Variants in C5 observed in about 807,000 individuals in gnomAD.
C5 encodes C3 and PZP-like alpha-2-macroglobulin domain-containing protein 4.
Under a neutral mutation model 218.8 loss-of-function variants are expected in C5, and 140 were observed. The ratio of observed to expected loss-of-function variants is 0.64; its 90% CI spans 0.56 to 0.74. C5 has a LOEUF of 0.74. Among genes scored for constraint, C5 ranks in the 30% least tolerant of loss-of-function variants. C5 has a pLI of 0.00. For synonymous variants in C5, 614 were observed against 682.3 expected (o/e 0.90, Z 1.56); for missense variants, 1,700 against 1,969.6 (o/e 0.86, Z 2.59).
At chr9:121,025,657 TA>T in intron 8 of C5, 77 bp from the exon 9 acceptor site, 2 of 1,390,012 alleles carry the variant, frequency 1.4e-6, no homozygotes, top group Non-Finnish European at 2.0e-6. Context: ...CTGCTTTTAC[TA>T]ACCTCTAAAT....
At chr9:121,051,619 T>C (rs1397205694), upstream of C5, among the ~76,000 whole-genome samples, 1 of 152,232 alleles carries the variant, frequency 6.6e-6, no homozygotes, top group East Asian at 1.9e-4. Flanking sequence ...TATGGTCACA[T>C]TGGCATTCTT....
intron 29 of C5, among the ~76,000 whole-genome samples, chr9:120,976,169 T>G (rs913483176): frequency 1.3e-5 from 2 of 152,212 alleles, no homozygotes; most frequent in African/African-American, 4.8e-5. Flanking sequence ...GATATTAACA[T>G]TCGATCTAAA....
chr9:120,961,581 T>C lies in C5; in HGVS notation c.4505-16A>G, dbSNP rs763438013. On this transcript the variant is annotated splice_polypyrimidine_tract_variant and intron_variant, in intron 36 of 40. Transcript: ENST00000223642. ...CACTGTTTATCTGTGGCAACAAAAGTGTGGTTAAGAGAAGTGGTTTGATTG... is the reference window on the plus strand; with the variant it reads ...CACTGTTTATCTGTGGCAACAAAAGCGTGGTTAAGAGAAGTGGTTTGATTG... The C allele has an allele frequency of 4.5e-6, 7 of 1,540,398 alleles. No homozygotes were observed. Among genetic ancestry groups the C allele is most frequent in the Middle Eastern group, 1.7e-4 (1 of 5,932 alleles).
At chr9:121,045,539 ACT>A (rs2047619599) in intron 2 of C5, among the ~76,000 whole-genome samples, 1 of 152,070 alleles carries the variant, frequency 6.6e-6, no homozygotes, top group African/African-American at 2.4e-5. Context: ...CTTTAGAGAA[ACT>A]CTGGTCTAAA....
intron 11 of C5, among the ~76,000 whole-genome samples, chr9:121,021,201 G>A (rs868391751): frequency 2.2e-4 from 33 of 152,306 alleles, no homozygotes; most frequent in Non-Finnish European, 1.6e-4. Context: ...GGGGGGAAGA[G>A]AGGATATTCC....
intron 25 of C5, among the ~76,000 whole-genome samples, chr9:120,983,769 G>A (rs2047012778): frequency 6.6e-6 from 1 of 151,756 alleles, no homozygotes; most frequent in Non-Finnish European, 1.5e-5. Flanking sequence ...CTGAGATCCT[G>A]CCACTGCATC....
the C5 span, among the ~76,000 whole-genome samples, chr9:121,066,569 T>C: frequency 6.6e-6 from 1 of 151,628 alleles, no homozygotes; most frequent in South Asian, 2.1e-4. Context: ...TTTGGGCCAG[T>C]TGTGGTGGGT....
the C5 span, among the ~76,000 whole-genome samples, chr9:121,072,412 A>C: frequency 6.6e-6 from 1 of 152,226 alleles, no homozygotes; most frequent in Non-Finnish European, 1.5e-5. Context: ...TGGGTACAAG[A>C]AACCGAAACG....
chr9:120,996,415 G>C, intron 21 of C5, 115 bp from the exon 22 acceptor site: 1 of 861,688 alleles, frequency 1.2e-6, no homozygotes, highest in Non-Finnish European at 2.0e-6. Context: ...TCTTGGAAAA[G>C]GCAAACTATG....
chr9:120,969,068 A>G lies in C5; in HGVS notation c.4213T>C (p.Cys1405Arg), dbSNP rs753067140. ...TTGTGGAAATAGGCTCACCTGGCAC[A>G]TGCTACTATGCGTTTGTAATCAGAG... ...GNSDYKRIVACASYKPSREES... is the reference protein window; with the variant it reads ...GNSDYKRIVARASYKPSREES... The change falls in exon 33 of 41, where the codon TGT (cysteine) becomes CGT (arginine). Residue 1405 changes from cysteine to arginine, a missense_variant. Coordinates refer to ENST00000223642, the MANE Select transcript of C5 (RefSeq NM_001735.3). 8.1e-6 allele frequency: 13 copies of G among 1,613,704 alleles called. No homozygotes were observed. The East Asian group carries it at 2.7e-4, about 33-fold the overall frequency.
intron 12 of C5, among the ~76,000 whole-genome samples, chr9:121,019,369 A>C (rs41309844): frequency 0.11 from 16,150 of 152,218 alleles, 913 homozygotes; most frequent in African/African-American, 0.14. Flanking sequence ...CATTCCATTT[A>C]TTTGGTGATT....
At chr9:121,035,575 A>G (rs2047517393) in intron 4 of C5, among the ~76,000 whole-genome samples, 1 of 151,954 alleles carries the variant, frequency 6.6e-6, no homozygotes. Flanking sequence ...TATCTGTACA[A>G]AAAACTTTTT....
At chr9:120,985,534 T>C (rs910577535) in intron 25 of C5, among the ~76,000 whole-genome samples, 2 of 152,056 alleles carry the variant, frequency 1.3e-5, no homozygotes, top group Non-Finnish European at 1.5e-5. Context: ...AATATTAAAA[T>C]TTGGAAATGG....
chr9:121,031,133 A>G (rs919374123), intron 6 of C5, among the ~76,000 whole-genome samples: 12 of 152,116 alleles, frequency 7.9e-5, no homozygotes, highest in African/African-American at 2.6e-4. Flanking sequence ...ATTCTTCTCC[A>G]TGTCATTATG....
chr9:121,068,876 G>A, the C5 span, among the ~76,000 whole-genome samples: 1 of 152,232 alleles, frequency 6.6e-6, no homozygotes. Context: ...ACACTCACTG[G>A]GGAAAGAATA....
chr9:121,009,636 T>C (rs2047245423), intron 17 of C5, among the ~76,000 whole-genome samples: 1 of 152,256 alleles, frequency 6.6e-6, no homozygotes, highest in Admixed American at 6.5e-5. Context: ...TCTTTCCTGT[T>C]GGTACACTAA....
rs550634517 is a variant in C5, at chr9:121,005,010, T to C, written c.2562+909A>G. 3.8e-4 allele frequency among the ~76,000 whole-genome samples: 57 copies of C among 151,562 alleles called. 1 individual carries two copies. The highest frequency in any genetic ancestry group is 1.3e-3 in the African/African-American group (55 of 41,374). On this transcript the variant is annotated intron_variant, in intron 20 of 40. Coordinates refer to ENST00000223642, the MANE Select transcript of C5 (RefSeq NM_001735.3). The stretch of plus-strand genomic sequence containing the variant: ...AAAAAAAAAGTGTCAGAGGGATACA[T>C]AGTTTTTCCAAAACAAGAGGGTATG...
At chr9:121,002,828 C>T (rs2047183444) in intron 20 of C5, among the ~76,000 whole-genome samples, 1 of 152,032 alleles carries the variant, frequency 6.6e-6, no homozygotes, top group Non-Finnish European at 1.5e-5. Flanking sequence ...TAATCAAGGT[C>T]CTTCTCCAAC....
At chr9:120,996,378 C>A (rs755942276) in intron 21 of C5, 78 bp from the exon 22 acceptor site, 1 of 1,271,760 alleles carries the variant, frequency 7.9e-7, no homozygotes, top group Non-Finnish European at 1.1e-6. Flanking sequence ...CTTTTCTGGA[C>A]CACTTTTCAA....
Sources: gnomAD v4.1 joint callset for allele counts (sites outside exome capture counted in the v4.1 genomes callset) on GRCh38, gnomAD v4.1.1 for gene constraint, MANE v1.5 for transcripts, NCBI Gene and HGNC (gene_info 2026-07-23, HGNC 2026-07-21) for gene names.